Variants in DCPH1 observed in about 807,000 individuals in gnomAD.
The protein encoded by DCPH1 is damage-control phosphatase 1.
chr6:151,469,238 C>T, the DCPH1 span: 3 of 693,164 alleles, frequency 4.3e-6, no homozygotes, highest in Non-Finnish European at 4.6e-6. Context: ...CTTCTTGGTG[C>T]CCATCTACGT....
At chr6:151,459,768 C>A in the DCPH1 span, among the ~76,000 whole-genome samples, 13,359 of 151,986 alleles carry the variant, frequency 0.088, 1,737 homozygotes, top group African/African-American at 0.29. Flanking sequence ...CCAGCCTGGG[C>A]GACAGAGCGA....
At chr6:151,453,382 C>A in the DCPH1 span, among the ~76,000 whole-genome samples, 1 of 152,200 alleles carries the variant, frequency 6.6e-6, no homozygotes, top group African/African-American at 2.4e-5. Context: ...AAAGGACTTA[C>A]TATACCTACT....
the DCPH1 span, among the ~76,000 whole-genome samples, chr6:151,457,832 C>T: frequency 1.3e-5 from 2 of 151,738 alleles, no homozygotes; most frequent in African/African-American, 4.8e-5. Flanking sequence ...CATTCTGATC[C>T]CATTACATTT....
chr6:151,460,501 G>T, the DCPH1 span, among the ~76,000 whole-genome samples: 2 of 151,760 alleles, frequency 1.3e-5, no homozygotes, highest in Non-Finnish European at 2.9e-5. Context: ...AAACTCTGGT[G>T]CAGGCCGGGT....
the DCPH1 span, chr6:151,458,324 G>T: frequency 8.9e-5 from 143 of 1,606,254 alleles, no homozygotes; most frequent in Non-Finnish European, 1.2e-4. Context: ...TTGTATTTTT[G>T]CAGGAAGGCG....
the DCPH1 span, chr6:151,458,355 ATC>A: frequency 1.9e-6 from 3 of 1,613,146 alleles, no homozygotes; most frequent in Admixed American, 1.7e-5. Flanking sequence ...AAAGAAAGCT[ATC>A]TCTCTCCTTT....
chr6:151,467,289 A>G, the DCPH1 span, among the ~76,000 whole-genome samples: 1 of 151,428 alleles, frequency 6.6e-6, no homozygotes, highest in Admixed American at 6.6e-5. Flanking sequence ...TGGAACATGC[A>G]TTCTCCTTAT....
At chr6:151,459,258 A>G in the DCPH1 span, among the ~76,000 whole-genome samples, 2 of 152,252 alleles carry the variant, frequency 1.3e-5, no homozygotes, top group Non-Finnish European at 2.9e-5. Flanking sequence ...TATATAAATA[A>G]GGATGGGACA....
chr6:151,452,689 C>G, the DCPH1 span: 18 of 1,213,824 alleles, frequency 1.5e-5, no homozygotes, highest in Non-Finnish European at 1.9e-5. Context: ...GGGCTGCGTT[C>G]GAGTCCCGCC....
chr6:151,461,360 G>A, the DCPH1 span, among the ~76,000 whole-genome samples: 1 of 151,574 alleles, frequency 6.6e-6, no homozygotes, highest in Admixed American at 6.6e-5. Context: ...TGGGGAAAAG[G>A]AAGGTGGCTT....
At chr6:151,466,584 T>G in the DCPH1 span, among the ~76,000 whole-genome samples, 2 of 152,132 alleles carry the variant, frequency 1.3e-5, no homozygotes, top group Non-Finnish European at 2.9e-5. Context: ...GTTGATCTCT[T>G]TCAAAAGTCA....
At chr6:151,462,251 A>G in the DCPH1 span, among the ~76,000 whole-genome samples, 1 of 152,238 alleles carries the variant, frequency 6.6e-6, no homozygotes, top group Non-Finnish European at 1.5e-5. Flanking sequence ...TGCATGTCTT[A>G]TGTGTTCAAG....
At chr6:151,464,420 A>G in the DCPH1 span, 21 of 1,535,448 alleles carry the variant, frequency 1.4e-5, no homozygotes, top group Non-Finnish European at 1.9e-5. Flanking sequence ...TGTACAAACT[A>G]AAATGTTTCA....
the DCPH1 span, among the ~76,000 whole-genome samples, chr6:151,455,820 A>G: frequency 3.9e-5 from 6 of 152,348 alleles, no homozygotes; most frequent in Admixed American, 6.5e-5. Context: ...ATTTCAGACT[A>G]TCACATGGGG....
At chr6:151,468,726 G>A in the DCPH1 span, 4 of 1,614,072 alleles carry the variant, frequency 2.5e-6, no homozygotes, top group African/African-American at 1.3e-5. Flanking sequence ...GGATGTCCAA[G>A]TGTGGGGCTG....
chr6:151,461,704 G>A, the DCPH1 span, among the ~76,000 whole-genome samples: 1 of 152,188 alleles, frequency 6.6e-6, no homozygotes, highest in Non-Finnish European at 1.5e-5. Context: ...AGATTATTGT[G>A]TTGGAATAAA....
chr6:151,456,203 G>A, the DCPH1 span, among the ~76,000 whole-genome samples: 1 of 152,146 alleles, frequency 6.6e-6, no homozygotes, highest in Non-Finnish European at 1.5e-5. Flanking sequence ...TTAGACATAG[G>A]TCTTTAAACT....
the DCPH1 span, among the ~76,000 whole-genome samples, chr6:151,460,410 T>A: frequency 3.7e-3 from 558 of 151,500 alleles, 3 homozygotes; most frequent in Middle Eastern, 3.4e-3. Context: ...GCCTATATAT[T>A]TTTTTTTCAT....
chr6:151,452,472 C>G, the DCPH1 span: 1 of 1,546,158 alleles, frequency 6.5e-7, no homozygotes, highest in Admixed American at 1.8e-5. Flanking sequence ...CTCAGCTCCT[C>G]CTTCGCGGCG....
Sources: allele counts gnomAD v4.1 joint callset (sites outside exome capture counted in the v4.1 genomes callset), GRCh38; gene constraint gnomAD v4.1.1; transcripts MANE v1.5; gene names NCBI Gene and HGNC (gene_info 2026-07-23, HGNC 2026-07-21).